Variants in PCDHGA9 observed in about 807,000 individuals in gnomAD.
PCDHGA9 encodes protocadherin gamma subfamily A, 9, also known as protocadherin gamma-A9.
PCDHGA9 carries 37 observed loss-of-function variants against 62.5 expected under a neutral mutation model. The ratio of observed to expected loss-of-function variants is 0.59; its 90% CI spans 0.46 to 0.78. PCDHGA9 has a LOEUF of 0.78. Ranked by LOEUF, PCDHGA9 falls within the 30% of genes least tolerant of loss-of-function variation. PCDHGA9 has a pLI of 0.00. For synonymous variants in PCDHGA9, 459 were observed against 484.6 expected (o/e 0.95, Z 0.69); for missense variants, 1,138 against 1,166.2 (o/e 0.98, Z 0.35).
chr5:141,415,901 C>A, intron 1 of PCDHGA9: 1 of 847,932 alleles, frequency 1.2e-6, no homozygotes, highest in Non-Finnish European at 1.6e-6. Context: ...CTAAGACAGA[C>A]TTCCATACAG....
At chr5:141,458,217 T>C (rs1026901943) in intron 1 of PCDHGA9, among the ~76,000 whole-genome samples, 1 of 152,210 alleles carries the variant, frequency 6.6e-6, no homozygotes, top group Admixed American at 6.5e-5. Context: ...AAAATAAGTT[T>C]CCTTTCCCAG....
chr5:141,418,224 T>C (rs756997971), intron 1 of PCDHGA9: 1 of 1,613,998 alleles, frequency 6.2e-7, no homozygotes, highest in Non-Finnish European at 8.5e-7. Flanking sequence ...GTCATTGTGG[T>C]GATTGAGGAT....
chr5:141,461,255 G>A (rs1466460215), intron 1 of PCDHGA9, among the ~76,000 whole-genome samples: 1 of 152,098 alleles, frequency 6.6e-6, no homozygotes. Flanking sequence ...ATTCCCAGCA[G>A]CAATGTGTAA....
intron 1 of PCDHGA9, among the ~76,000 whole-genome samples, chr5:141,472,042 T>C (rs2099270232): frequency 2.0e-5 from 3 of 152,146 alleles, no homozygotes; most frequent in African/African-American, 7.2e-5. Context: ...TGTGAAAAGA[T>C]TTTAAAAATG....
chr5:141,438,635 TACACACACACACACAC>T (rs56854727), intron 1 of PCDHGA9, among the ~76,000 whole-genome samples: 7 of 33,414 alleles, frequency 2.1e-4, no homozygotes, highest in Non-Finnish European at 3.7e-4. Flanking sequence ...TATATATATA[TACACACACACACACAC>T]ATATATGTAT....
At chr5:141,488,978 C>T (rs1346335195) in intron 1 of PCDHGA9, 4 of 388,976 alleles carry the variant, frequency 1.0e-5, no homozygotes, top group African/African-American at 2.1e-5. Flanking sequence ...GCCAATCAGA[C>T]TCAGAGCTGA....
chr5:141,501,290 TACACACACAC>T (rs55762287), intron 2 of PCDHGA9, among the ~76,000 whole-genome samples: 44 of 136,248 alleles, frequency 3.2e-4, no homozygotes, highest in Admixed American at 7.8e-4. Context: ...TATTCCCTTA[TACACACACAC>T]ACACACACAC....
intron 2 of PCDHGA9, among the ~76,000 whole-genome samples, chr5:141,503,685 G>A (rs1171934407): frequency 2.6e-5 from 4 of 151,882 alleles, no homozygotes; most frequent in African/African-American, 9.7e-5. Context: ...TTGGGAAGGA[G>A]AATTGAGATT....
In PCDHGA9 at chr5:141,408,707, G is replaced by A. The variant is rs899200128; in HGVS notation, c.2424+3331G>A. On this transcript the variant is annotated intron_variant, in intron 1 of 3. Coordinates refer to ENST00000573521, the MANE Select transcript of PCDHGA9 (RefSeq NM_018921.3). ...TGATATAAACATAAACTCAATTAAAGATTATAAGATAAACTCTAATCCTTA... is the reference window on the plus strand; with the variant it reads ...TGATATAAACATAAACTCAATTAAAAATTATAAGATAAACTCTAATCCTTA... 1.9e-6 allele frequency: 3 copies of A among 1,612,764 alleles called. No homozygotes were observed. In the African/African-American group the frequency reaches 4.0e-5, roughly 22 times the overall value.
intron 1 of PCDHGA9, chr5:141,413,663 A>T: frequency 6.2e-7 from 1 of 1,613,844 alleles, no homozygotes; most frequent in Non-Finnish European, 8.5e-7. Flanking sequence ...GAAGCTATTG[A>T]TCCGGATGTG....
At chr5:141,447,136 TTTTTTG>T (rs1304915683) in intron 1 of PCDHGA9, among the ~76,000 whole-genome samples, 4 of 152,090 alleles carry the variant, frequency 2.6e-5, no homozygotes, top group Admixed American at 6.6e-5. Context: ...TGTTTGTTTG[TTTTTTG>T]TTTTTGTTTT....
intron 3 of PCDHGA9, among the ~76,000 whole-genome samples, chr5:141,506,363 C>T (rs1013247178): frequency 4.0e-5 from 6 of 150,792 alleles, no homozygotes; most frequent in South Asian, 4.2e-4. Context: ...GCAGGAGAAT[C>T]GCTTGAACCT....
Position 141,486,107 on chromosome 5 carries a change from A to T in PCDHGA9, c.2425-8700A>T, listed in dbSNP as rs758269750. ...TCTTTTGGGGCCCCTAGACTTTGAG[A>T]GTGAGAATTACTATGAATTTGATGT... is the stretch of plus-strand genomic sequence containing the variant. On this transcript the variant is annotated intron_variant, in intron 1 of 3. Transcript: ENST00000573521. The surrounding 1 kb of genome is among the most constrained non-coding windows in gnomAD (Gnocchi z 5.0). The T allele has an allele frequency of 6.2e-7, 1 of 1,614,102 alleles. No individual in the cohort carries two copies. Among genetic ancestry groups the T allele is most frequent in the South Asian group, 1.1e-5 (1 of 91,080 alleles).
intron 1 of PCDHGA9, chr5:141,408,974 G>A (rs899313364): frequency 6.2e-7 from 1 of 1,613,808 alleles, no homozygotes; most frequent in South Asian, 1.1e-5. Context: ...TCTGCCCCCT[G>A]GGTCCCCTGT....
rs2099748976 is a variant in PCDHGA9, at chr5:141,493,566, C to G, written c.2425-1241C>G. Among the ~76,000 whole-genome samples, 1 of 152,168 alleles carries G rather than the reference C, an allele frequency of 6.6e-6. No individual in the cohort carries two copies. Among genetic ancestry groups the G allele is most frequent in the African/African-American group, 2.4e-5 (1 of 41,436 alleles). ...TTTTGGAGATTGAGTTCCCCCAGCT[C>G]CGTTTCCTCCTATCACAATCACTGC... is the stretch of plus-strand genomic sequence containing the variant. On this transcript the variant is annotated intron_variant, in intron 1 of 3. Transcript: ENST00000573521. The surrounding 1 kb of genome is among the most constrained non-coding windows in gnomAD (Gnocchi z 4.3).
chr5:141,404,298 C>A lies in PCDHGA9; in HGVS notation c.1346C>A (p.Pro449Gln). The A allele has an allele frequency of 1.9e-6, 3 of 1,613,868 alleles. No homozygotes were observed. The highest frequency in any genetic ancestry group is 2.5e-6 in the Non-Finnish European group (3 of 1,179,828). ...CAAGTGACTGACATCAATGATAATCCACCTGCTTTCTCTCAAGCCTCCTAC... is the reference window on the plus strand; with the variant it reads ...CAAGTGACTGACATCAATGATAATCAACCTGCTTTCTCTCAAGCCTCCTAC... The part of the protein sequence containing the change: ...TLQVTDINDN[P>Q]PAFSQASYSV... Residue 449 changes from proline (P) to glutamine (Q), a missense_variant, in exon 1 of 4, where the codon CCA (proline) becomes CAA (glutamine). Coordinates refer to ENST00000573521, the MANE Select transcript of PCDHGA9 (RefSeq NM_018921.3).
intron 1 of PCDHGA9, among the ~76,000 whole-genome samples, chr5:141,447,527 A>C (rs1278828003): frequency 6.6e-6 from 1 of 152,224 alleles, no homozygotes; most frequent in East Asian, 1.9e-4. Flanking sequence ...TCATAACAAA[A>C]TTGTTGGGTT....
intron 1 of PCDHGA9, among the ~76,000 whole-genome samples, chr5:141,446,394 A>C (rs796472404): frequency 1.1e-4 from 17 of 152,344 alleles, no homozygotes; most frequent in African/African-American, 3.4e-4. Context: ...ATTTAAGAGA[A>C]ATCGAGTTGA....
chr5:141,455,737 A>T (rs1290390106), intron 1 of PCDHGA9, among the ~76,000 whole-genome samples: 1 of 152,162 alleles, frequency 6.6e-6, no homozygotes, highest in Non-Finnish European at 1.5e-5. Context: ...TTTGCATATC[A>T]AAGGTTGCTG....
Sources: gnomAD v4.1 joint callset for allele counts (sites outside exome capture counted in the v4.1 genomes callset) on GRCh38, gnomAD v4.1.1 for gene constraint, Gnocchi (gnomAD v3.1) non-coding constraint, MANE v1.5 for transcripts, NCBI Gene and HGNC (gene_info 2026-07-23, HGNC 2026-07-21) for gene names.